Variants in KLHL2 observed in about 807,000 individuals in gnomAD.
KLHL2 encodes the protein kelch like family member 2.
A neutral mutation model predicts 75.8 loss-of-function variants in KLHL2; 15 were observed. The ratio of observed to expected loss-of-function variants is 0.20; its 90% CI spans 0.13 to 0.30. The LOEUF (loss-of-function observed/expected upper bound fraction) is 0.30, where lower values mean the gene tolerates loss of function less well. KLHL2 is among the 10% of genes least tolerant of loss of function. KLHL2 has a pLI of 1.00. For missense variants in KLHL2, 381 were observed against 741.0 expected (o/e 0.51, Z 5.64); for synonymous variants, 214 against 251.9 (o/e 0.85, Z 1.42).
At chr4:165,251,466 A>G (rs533778860) in intron 4 of KLHL2, among the ~76,000 whole-genome samples, 6 of 152,286 alleles carry the variant, frequency 3.9e-5, no homozygotes, top group African/African-American at 1.4e-4. Flanking sequence ...TTTATTCAAT[A>G]TAAGAATATA....
chr4:165,278,319 A>G (rs1743330112), intron 5 of KLHL2: 2 of 1,102,686 alleles, frequency 1.8e-6, no homozygotes, highest in South Asian at 2.5e-5. Flanking sequence ...ACTGGAATAT[A>G]CAGAATGTCT....
At chr4:165,297,346 G>A (rs1204913909) in intron 6 of KLHL2, among the ~76,000 whole-genome samples, 1 of 151,748 alleles carries the variant, frequency 6.6e-6, no homozygotes, top group South Asian at 2.1e-4. Flanking sequence ...AACATGAATT[G>A]TTTATAAGGA....
intron 5 of KLHL2, among the ~76,000 whole-genome samples, chr4:165,288,429 G>C (rs1013683666): frequency 2.6e-5 from 4 of 151,956 alleles, no homozygotes; most frequent in African/African-American, 9.7e-5. Context: ...GTTTTGTTTT[G>C]TTTTCTTGCA....
intron 5 of KLHL2, among the ~76,000 whole-genome samples, chr4:165,264,745 T>TATAC (rs1430119573): frequency 6.1e-5 from 5 of 82,058 alleles, no homozygotes; most frequent in South Asian, 7.4e-4. Context: ...TATATGTATA[T>TATAC]ATATATATAT....
intron 14 of KLHL2, among the ~76,000 whole-genome samples, chr4:165,320,070 C>T (rs913094798): frequency 3.3e-5 from 5 of 152,160 alleles, no homozygotes; most frequent in Admixed American, 1.3e-4. Flanking sequence ...AAGGGGCCAG[C>T]AGATGAGCTC....
intron 8 of KLHL2, among the ~76,000 whole-genome samples, chr4:165,303,339 C>G (rs556805585): frequency 6.6e-6 from 1 of 151,992 alleles, no homozygotes; most frequent in African/African-American, 2.4e-5. Flanking sequence ...AAAAAATGTT[C>G]CCTTCTGAAA....
intron 5 of KLHL2, among the ~76,000 whole-genome samples, chr4:165,292,845 A>C (rs984822186): frequency 2.0e-5 from 3 of 152,158 alleles, no homozygotes; most frequent in Admixed American, 6.5e-5. Context: ...CATTGTGACG[A>C]CCTAGAAATT....
intron 1 of KLHL2, chr4:165,208,673 A>C (rs1453729771): frequency 6.6e-6 from 1 of 152,036 alleles, no homozygotes; most frequent in Non-Finnish European, 1.5e-5. Flanking sequence ...TTTAGTTTTT[A>C]GTTTTAAAAA....
At chr4:165,223,879 G>A in intron 2 of KLHL2, 1 of 425,094 alleles carries the variant, frequency 2.4e-6, no homozygotes, top group South Asian at 1.7e-5. Context: ...TAGGTCTATA[G>A]AGGGGACAGA....
chr4:165,247,690 T>C (rs977128631), intron 4 of KLHL2, among the ~76,000 whole-genome samples: 4 of 152,234 alleles, frequency 2.6e-5, no homozygotes, highest in Admixed American at 6.5e-5. Flanking sequence ...GAAAGGTAGG[T>C]ATTTTATCAG....
intron 5 of KLHL2, among the ~76,000 whole-genome samples, chr4:165,285,747 A>G (rs1270179153): frequency 6.7e-6 from 1 of 148,288 alleles, no homozygotes; most frequent in Non-Finnish European, 1.5e-5. Context: ...TTACACTTAA[A>G]AATGGTTACG....
chr4:165,292,934 A>G (rs772001301), intron 5 of KLHL2, among the ~76,000 whole-genome samples: 2 of 152,216 alleles, frequency 1.3e-5, no homozygotes, highest in Non-Finnish European at 2.9e-5. Flanking sequence ...CTTACTCTCT[A>G]CAGACACAGT....
chr4:165,293,514 T>TC (rs1382075297), intron 5 of KLHL2, among the ~76,000 whole-genome samples: 1 of 151,566 alleles, frequency 6.6e-6, no homozygotes, highest in Non-Finnish European at 1.5e-5. Flanking sequence ...TTTTTTTTTT[T>TC]CTGAGACGGA....
chr4:165,294,315 T>C (rs1744745684), intron 5 of KLHL2, 44 bp from the exon 6 acceptor site: 1 of 1,088,998 alleles, frequency 9.2e-7, no homozygotes, highest in South Asian at 1.3e-5. Flanking sequence ...ACTATGATAA[T>C]GGAATGTTGA....
chr4:165,270,039 A>ATCTTG (rs1302784709), intron 5 of KLHL2, among the ~76,000 whole-genome samples: 1 of 151,682 alleles, frequency 6.6e-6, no homozygotes, highest in Admixed American at 6.6e-5. Context: ...TTTTTCTCTA[A>ATCTTG]TCTTGTCTTC....
intron 5 of KLHL2, chr4:165,279,332 C>A: frequency 6.4e-7 from 1 of 1,569,124 alleles, no homozygotes. Context: ...GAGAGGCTCT[C>A]CAGTTATCTT....
At chr4:165,293,182 C>A (rs960063474) in intron 5 of KLHL2, among the ~76,000 whole-genome samples, 1 of 152,098 alleles carries the variant, frequency 6.6e-6, no homozygotes, top group Admixed American at 6.5e-5. Flanking sequence ...ACAAAAGATT[C>A]GTTCTTTGTA....
At chr4:165,239,355 T>C (rs780232883) in intron 4 of KLHL2, among the ~76,000 whole-genome samples, 5 of 151,408 alleles carry the variant, frequency 3.3e-5, no homozygotes, top group African/African-American at 1.2e-4. Context: ...CTCGACCTCC[T>C]AGGCTCAAGG....
At chr4:165,212,434 G>A (rs1429253347) in intron 1 of KLHL2, among the ~76,000 whole-genome samples, 2 of 152,152 alleles carry the variant, frequency 1.3e-5, no homozygotes, top group African/African-American at 4.8e-5. Context: ...AATTGCTGCA[G>A]TGAGTGGGTC....
Sources: allele counts gnomAD v4.1 joint callset (sites outside exome capture counted in the v4.1 genomes callset), GRCh38; gene constraint gnomAD v4.1.1; transcripts MANE v1.5; gene names NCBI Gene and HGNC (gene_info 2026-07-23, HGNC 2026-07-21).